The following MGLL variants were observed in gnomAD, a reference collection of about 807,000 sequenced individuals.
The protein encoded by MGLL is lysophospholipase homolog.
A neutral mutation model predicts 29.1 loss-of-function variants in MGLL; 7 were observed. The observed-to-expected ratio is 0.24, with a 90% CI of 0.14 to 0.45. MGLL has a LOEUF of 0.45. MGLL is among the 20% of genes least tolerant of loss of function. The pLI is 0.99. For missense variants in MGLL, 356 were observed against 413.6 expected, an observed-to-expected ratio of 0.86 and a Z score of 1.21; for synonymous variants, 148 against 168.3, an observed-to-expected ratio of 0.88 and a Z score of 0.93.
chr3:127,739,819 G>C (rs1691795106), intron 3 of MGLL, among the ~76,000 whole-genome samples: 1 of 152,204 alleles, frequency 6.6e-6, no homozygotes, highest in Non-Finnish European at 1.5e-5. Flanking sequence ...GGGGTTCCTG[G>C]AGATGCTTTC....
intron 5 of MGLL, chr3:127,712,402 C>A (rs931027076): frequency 1.3e-5 from 2 of 152,278 alleles, no homozygotes; most frequent in Non-Finnish European, 2.9e-5. Context: ...CAGTATCAGG[C>A]AGACAGCAAA....
At chr3:127,702,308 G>A (rs1042315295) in intron 6 of MGLL, among the ~76,000 whole-genome samples, 1 of 152,212 alleles carries the variant, frequency 6.6e-6, no homozygotes, top group African/African-American at 2.4e-5. Context: ...GGTGTGGTGA[G>A]CTGCCTGCAG....
At chr3:127,702,631 G>C (rs2075514490) in intron 6 of MGLL, among the ~76,000 whole-genome samples, 1 of 152,222 alleles carries the variant, frequency 6.6e-6, no homozygotes, top group Admixed American at 6.5e-5. Flanking sequence ...AAATTAATGA[G>C]CATTCTTTCC....
chr3:127,693,889 C>T (rs1485272589), intron 7 of MGLL, among the ~76,000 whole-genome samples: 1 of 152,204 alleles, frequency 6.6e-6, no homozygotes, highest in Non-Finnish European at 1.5e-5. Flanking sequence ...GGACTCCTTT[C>T]GCAGGGACTT....
At chr3:127,782,076 G>A (rs1161123792) in intron 2 of MGLL, among the ~76,000 whole-genome samples, 181 bp from the exon 3 acceptor site, 1 of 152,120 alleles carries the variant, frequency 6.6e-6, no homozygotes, top group Non-Finnish European at 1.5e-5. Flanking sequence ...AAAAAAATTA[G>A]CCGGGAGTGG....
In MGLL at chr3:127,690,888, C is replaced by T. The variant is rs1477062823; in HGVS notation, c.*1310G>A. 5.9e-5 allele frequency: 9 copies of T among 152,694 alleles called. No homozygotes were observed. Among genetic ancestry groups the T allele is most frequent in the Admixed American group, 2.0e-4 (3 of 15,282 alleles). The allele number at this position is 152,694 out of a possible 1,614,324, so 9.5% of individuals were successfully genotyped here. A position where few individuals can be genotyped will look rare whatever the true frequency, so the allele number is the denominator to read the frequency against. ...GCTCTGAATGATTGGCTGATGCCAG[C>T]CTTGGCCTTGGGTGAGGCCTGTCCC... is the stretch of plus-strand genomic sequence containing the variant. On this transcript the variant is annotated 3_prime_UTR_variant, in exon 8 of 8. Transcript: ENST00000265052.
At chr3:127,817,899 T>C (rs1164818333) in intron 2 of MGLL, among the ~76,000 whole-genome samples, 2 of 152,262 alleles carry the variant, frequency 1.3e-5, no homozygotes, top group African/African-American at 4.8e-5. Flanking sequence ...CCCCCATCCA[T>C]GGGCCAGTCT....
chr3:127,769,967 C>T (rs1302249936), intron 3 of MGLL, among the ~76,000 whole-genome samples: 1 of 152,240 alleles, frequency 6.6e-6, no homozygotes, highest in Non-Finnish European at 1.5e-5. Context: ...GCCTGCCCTT[C>T]CCCAGGCCGC....
intron 2 of MGLL, among the ~76,000 whole-genome samples, chr3:127,806,842 C>T (rs1385384487): frequency 6.6e-6 from 1 of 152,172 alleles, no homozygotes; most frequent in Admixed American, 6.5e-5. Flanking sequence ...GCCTGGCTAA[C>T]ATGATGAAAT....
intron 2 of MGLL, among the ~76,000 whole-genome samples, chr3:127,782,898 A>T (rs1320262961): frequency 2.0e-5 from 3 of 152,168 alleles, no homozygotes; most frequent in African/African-American, 7.2e-5. Flanking sequence ...ATAGAAGTTA[A>T]GTGAGTTGGG....
chr3:127,737,069 G>A (rs2076254811), intron 3 of MGLL, among the ~76,000 whole-genome samples: 1 of 152,158 alleles, frequency 6.6e-6, no homozygotes, highest in Non-Finnish European at 1.5e-5. Flanking sequence ...AGGAGGCTAA[G>A]GCCAGTAGCA....
intron 6 of MGLL, among the ~76,000 whole-genome samples, chr3:127,695,566 T>G (rs375013217): frequency 6.6e-6 from 1 of 152,128 alleles, no homozygotes; most frequent in African/African-American, 2.4e-5. Flanking sequence ...CTGTATGGGA[T>G]TTTTTGTATT....
At chr3:127,819,654 G>A (rs1304973751) in intron 2 of MGLL, among the ~76,000 whole-genome samples, 2 of 152,100 alleles carry the variant, frequency 1.3e-5, no homozygotes, top group African/African-American at 4.8e-5. Context: ...GTGACTTGAG[G>A]TCCCCTCCCT....
chr3:127,764,231 C>T (rs919428474), intron 3 of MGLL, among the ~76,000 whole-genome samples: 2 of 152,356 alleles, frequency 1.3e-5, no homozygotes, highest in Non-Finnish European at 1.5e-5. Context: ...GCTCCCACCA[C>T]AGACTCCTGG....
chr3:127,788,709 C>T (rs1435612303), intron 2 of MGLL, among the ~76,000 whole-genome samples: 1 of 152,226 alleles, frequency 6.6e-6, no homozygotes, highest in African/African-American at 2.4e-5. Flanking sequence ...GAGGTAGGCG[C>T]ACCCTCCTGG....
At chr3:127,764,479 C>G (rs566930738) in intron 3 of MGLL, among the ~76,000 whole-genome samples, 1 of 152,096 alleles carries the variant, frequency 6.6e-6, no homozygotes, top group Non-Finnish European at 1.5e-5. Context: ...AGGAGAGGCC[C>G]GGGCCACAGT....
At chr3:127,771,268 C>T (rs368238523) in intron 3 of MGLL, among the ~76,000 whole-genome samples, 9 of 152,318 alleles carry the variant, frequency 5.9e-5, no homozygotes, top group East Asian at 3.9e-4. Context: ...CCGTGAGCTT[C>T]GTGGACCCAG....
chr3:127,819,307 T>C (rs1576327900), intron 2 of MGLL, among the ~76,000 whole-genome samples: 1 of 152,068 alleles, frequency 6.6e-6, no homozygotes, highest in South Asian at 2.1e-4. Flanking sequence ...AGGTAACTGG[T>C]TGGCCAGAAA....
At chr3:127,816,659 G>T (rs2077761439) in intron 2 of MGLL, among the ~76,000 whole-genome samples, 1 of 152,228 alleles carries the variant, frequency 6.6e-6, no homozygotes, top group Non-Finnish European at 1.5e-5. Flanking sequence ...AACTGGCATA[G>T]ATGGGGGAAG....
Sources: gnomAD v4.1 joint callset for allele counts (sites outside exome capture counted in the v4.1 genomes callset) on GRCh38, gnomAD v4.1.1 for gene constraint, MANE v1.5 for transcripts, NCBI Gene and HGNC (gene_info 2026-07-23, HGNC 2026-07-21) for gene names.